KAT6B: variants seen among roughly 807,000 people sequenced by gnomAD.
KAT6B encodes lysine acetyltransferase 6B.
In KAT6B, 10 loss-of-function variants were observed where a neutral mutation model predicts 187.5. The ratio of observed to expected loss-of-function variants is 0.05; its 90% CI spans 0.03 to 0.09. KAT6B has a LOEUF of 0.09. Among genes scored for constraint, KAT6B ranks in the 10% least tolerant of loss-of-function variants. KAT6B has a pLI of 1.00. For synonymous variants in KAT6B, 861 were observed against 926.8 expected, an observed-to-expected ratio of 0.93 and a Z score of 1.29; for missense variants, 1,952 against 2,558.9, an observed-to-expected ratio of 0.76 and a Z score of 5.12.
At chr10:74,874,785 CTA>C (rs1844281749) in intron 3 of KAT6B, among the ~76,000 whole-genome samples, 1 of 151,658 alleles carries the variant, frequency 6.6e-6, no homozygotes, top group Non-Finnish European at 1.5e-5. Context: ...TGTGTGAGAT[CTA>C]TGTTTTGTGT....
rs1363315212 is a variant in KAT6B at position 74,910,148 on chromosome 10, AT to A, written c.622-49820del. ...CTACTAAAAAAAAAAAAAAAAAAAT[AT>A]TAGCCAGGCGTGGTGGCGCATGCCT... On this transcript the variant is annotated intron_variant, in intron 3 of 17. Transcript: ENST00000287239. Among the ~76,000 whole-genome samples the A allele has an allele frequency of 7.1e-3, 668 of 93,774 alleles. 8 individuals carry two copies. In the African/African-American group the frequency reaches 0.083, roughly 12 times the overall value. The allele number at this position is 93,774 out of a possible 152,430, so 61.5% of individuals were successfully genotyped here.
chr10:74,982,080 A>C, intron 11 of KAT6B, 152 bp downstream of exon 11: 1 of 675,204 alleles, frequency 1.5e-6, no homozygotes, highest in Non-Finnish European at 2.6e-6. Flanking sequence ...ATGTTTTGGA[A>C]TGTTTATCTA....
chr10:75,020,632 C>T lies in KAT6B; in HGVS notation c.2680C>T (p.Leu894Phe), dbSNP rs1845326720. The T allele has an allele frequency of 1.2e-6, 2 of 1,614,140 alleles. No individual in the cohort carries two copies. The highest frequency in any genetic ancestry group is 1.7e-6 in the Non-Finnish European group (2 of 1,180,054). Residue 894 changes from leucine to phenylalanine, a missense_variant, in exon 14 of 18, where the codon CTC becomes TTC. Transcript: ENST00000287239. ...CCAAGCAGGGTCTCCTGAAAAGCCTCTCTCCGATCTGGGCCGTCTCTCCTA... is the reference window on the plus strand; with the variant it reads ...CCAAGCAGGGTCTCCTGAAAAGCCTTTCTCCGATCTGGGCCGTCTCTCCTA... ...EGQAGSPEKPLSDLGRLSYLA... is the reference protein window; with the variant it reads ...EGQAGSPEKPFSDLGRLSYLA...
chr10:74,859,686 G>T (rs1206395246), intron 3 of KAT6B, among the ~76,000 whole-genome samples: 1 of 152,154 alleles, frequency 6.6e-6, no homozygotes, highest in Non-Finnish European at 1.5e-5. Context: ...GTTTTCTAGA[G>T]CTGATAAAAA....
intron 3 of KAT6B, among the ~76,000 whole-genome samples, chr10:74,902,919 T>A (rs1309966298): frequency 6.6e-6 from 1 of 152,236 alleles, no homozygotes; most frequent in Non-Finnish European, 1.5e-5. Flanking sequence ...TAGTAGATGT[T>A]CAGTATTTGG....
At chr10:74,916,013 A>G (rs1411469073) in intron 3 of KAT6B, among the ~76,000 whole-genome samples, 1 of 152,172 alleles carries the variant, frequency 6.6e-6, no homozygotes, top group Non-Finnish European at 1.5e-5. Flanking sequence ...TAATACAAAA[A>G]TTAGCCGGTC....
At chr10:74,894,089 C>G (rs1265685289) in intron 3 of KAT6B, among the ~76,000 whole-genome samples, 1 of 152,134 alleles carries the variant, frequency 6.6e-6, no homozygotes, top group Non-Finnish European at 1.5e-5. Context: ...ATTTTTCTCT[C>G]TTTTTTCCCT....
chr10:74,843,580 T>TA, intron 3 of KAT6B, 102 bp downstream of exon 3: 2 of 1,427,092 alleles, frequency 1.4e-6, no homozygotes, highest in East Asian at 4.6e-5. Flanking sequence ...TAAAGTTTGA[T>TA]AAAATTGAAT....
intron 2 of KAT6B, among the ~76,000 whole-genome samples, chr10:74,839,076 C>T (rs1027360131): frequency 2.0e-5 from 3 of 151,424 alleles, no homozygotes; most frequent in African/African-American, 7.3e-5. Flanking sequence ...TTGCTTGAAT[C>T]TGGGCGGTGG....
At chr10:74,903,448 C>T (rs139545840) in intron 3 of KAT6B, among the ~76,000 whole-genome samples, 2 of 152,188 alleles carry the variant, frequency 1.3e-5, no homozygotes, top group Non-Finnish European at 2.9e-5. Context: ...ATGTTGACTG[C>T]GAAGATGAAA....
chr10:75,010,154 ACAAC>A (rs1257879877), intron 13 of KAT6B, among the ~76,000 whole-genome samples: 11 of 152,208 alleles, frequency 7.2e-5, no homozygotes, highest in Admixed American at 7.2e-4. Flanking sequence ...CTGGGGGGAC[ACAAC>A]CATTGATCTC....
chr10:74,927,161 A>G (rs888905487), intron 3 of KAT6B, among the ~76,000 whole-genome samples: 1 of 152,194 alleles, frequency 6.6e-6, no homozygotes, highest in African/African-American at 2.4e-5. Context: ...GTTCTCTATC[A>G]GTTAGTGTGT....
chr10:74,884,839 G>C (rs899483768), intron 3 of KAT6B, among the ~76,000 whole-genome samples: 16 of 152,088 alleles, frequency 1.1e-4, no homozygotes, highest in Non-Finnish European at 2.1e-4. Context: ...AAAATGCTGG[G>C]ATTACAGGCG....
At chr10:74,857,844 A>G (rs1023262849) in intron 3 of KAT6B, among the ~76,000 whole-genome samples, 1 of 152,288 alleles carries the variant, frequency 6.6e-6, no homozygotes, top group South Asian at 2.1e-4. Context: ...ACATAGTGAG[A>G]TCCCATCTCT....
intron 1 of KAT6B, among the ~76,000 whole-genome samples, chr10:74,827,680 G>A (rs1840372462): frequency 3.9e-5 from 6 of 152,066 alleles, no homozygotes; most frequent in Admixed American, 3.9e-4. Flanking sequence ...ATTGGTAGGG[G>A]TGGGACAAGG....
At chr10:74,936,030 C>A (rs747832703) in intron 3 of KAT6B, among the ~76,000 whole-genome samples, 4 of 152,136 alleles carry the variant, frequency 2.6e-5, no homozygotes, top group African/African-American at 4.8e-5. Flanking sequence ...TAAAATCTAT[C>A]TTTAGTACAG....
chr10:74,948,684 A>G (rs1020108702), intron 3 of KAT6B, among the ~76,000 whole-genome samples: 1 of 152,244 alleles, frequency 6.6e-6, no homozygotes, highest in African/African-American at 2.4e-5. Flanking sequence ...AGCTGCCTCT[A>G]GCTGATACAC....
Position 74,883,480 on chromosome 10 carries a change from TC to T in KAT6B, c.621+40006del, listed in dbSNP as rs1373252701. Among the ~76,000 whole-genome samples the T allele has an allele frequency of 6.6e-5, 10 of 152,290 alleles. No homozygotes were observed. The East Asian group carries it at 1.9e-3, about 29-fold the overall frequency. ...GTTGGCTGCCCCCTACTTCTCCTGT[TC>T]CCCTCTGGCAGTATTTTACAGATGT... is the stretch of plus-strand genomic sequence containing the variant. On this transcript the variant is annotated intron_variant, in intron 3 of 17. Coordinates refer to ENST00000287239, the MANE Select transcript of KAT6B (RefSeq NM_012330.4).
chr10:74,840,133 C>T lies in KAT6B; in HGVS notation c.-259+1381C>T, dbSNP rs557306237. 3.3e-5 allele frequency among the ~76,000 whole-genome samples: 5 copies of T among 152,338 alleles called. No individual in the cohort carries two copies. The East Asian group carries it at 7.7e-4, about 23-fold the overall frequency. On this transcript the variant is annotated intron_variant, in intron 2 of 17. Transcript: ENST00000287239. ...AGATCTGGGATTTTTAGTTGGACTG[C>T]ATGCTCACCATGACCACTTGTGTGG...
Sources: allele counts gnomAD v4.1 joint callset (sites outside exome capture counted in the v4.1 genomes callset), GRCh38; gene constraint gnomAD v4.1.1; transcripts MANE v1.5; gene names NCBI Gene and HGNC (gene_info 2026-07-23, HGNC 2026-07-21).